The following SMAD6 variants were observed in gnomAD, a reference collection of about 807,000 sequenced individuals.
SMAD6 encodes MAD homolog 6.
SMAD6 carries 103 observed loss-of-function variants against 39.4 expected under a neutral mutation model. That is an observed-to-expected ratio of 2.62 (90% confidence interval 2.23 to 3.08). The LOEUF is 3.08. SMAD6 is among the 30% of genes most tolerant of loss of function. The pLI is 0.00. For missense variants in SMAD6, 1,104 were observed against 742.9 expected (o/e 1.49, Z -5.65); for synonymous variants, 445 against 353.3 (o/e 1.26, Z -2.91).
Position 66,703,767 on chromosome 15 carries a change from AG to A in SMAD6, c.511del (p.Glu171AsnfsTer10). ...CGCTCGCGGCTGCTGCTGCTGGAGC[AG>A]GAACTCAAAACCGTCACGTACTCGC... ...EARSRLLLLEQELKTVTYSLL... is the reference protein window; with the variant it reads ...EARSRLLLLEXELKTVTYSLL... On this transcript the variant is annotated frameshift_variant, in exon 1 of 4. Coordinates refer to ENST00000288840, the MANE Select transcript of SMAD6 (RefSeq NM_005585.5). LOFTEE classifies it high-confidence loss of function. 7.0e-7 allele frequency: 1 copy of A among 1,421,400 alleles called. No homozygotes were observed. The highest frequency in any genetic ancestry group is 9.3e-7 in the Non-Finnish European group (1 of 1,075,902). The allele number at this position is 1,421,400 out of a possible 1,614,324, so 88.0% of individuals were successfully genotyped here. A position where few individuals can be genotyped will look rare whatever the true frequency, so the allele number is the denominator to read the frequency against.
chr15:66,707,798 C>G (rs1893147631), intron 1 of SMAD6: 1 of 152,454 alleles, frequency 6.6e-6, no homozygotes, highest in African/African-American at 2.4e-5. Context: ...TCCACAGCCC[C>G]TCTTTGGGAG....
chr15:66,774,201 C>T (rs912385878), intron 3 of SMAD6, among the ~76,000 whole-genome samples: 5 of 152,234 alleles, frequency 3.3e-5, no homozygotes, highest in South Asian at 2.1e-4. Context: ...AGTTTATGCT[C>T]AGGCTCTTGG....
chr15:66,717,535 A>G (rs768604953), intron 3 of SMAD6: 1 of 439,130 alleles, frequency 2.3e-6, no homozygotes, highest in South Asian at 1.6e-5. Context: ...TATTTCCCCT[A>G]AAGTCCTGTC....
chr15:66,703,578 T>G lies in SMAD6; in HGVS notation c.320T>G (p.Val107Gly). Reference protein sequence around the residue: ...GAGAGSSLLDVAEPGGPGWLP... With the variant: ...GAGAGSSLLDGAEPGGPGWLP... The stretch of plus-strand genomic sequence containing the variant: ...GGCGCTGGGAGCTCCCTGCTGGACG[T>G]GGCGGAGCCGGGAGGCCCGGGCTGG... The change falls in exon 1 of 4, where the codon GTG (valine) becomes GGG (glycine). Residue 107 changes from valine to glycine, a missense_variant. Val to Gly is a moderately radical substitution (Grantham distance 109). Transcript: ENST00000288840. The G allele has an allele frequency of 2.4e-6, 3 of 1,225,992 alleles. No homozygotes were observed. The highest frequency in any genetic ancestry group is 3.1e-6 in the Non-Finnish European group (3 of 981,218). The allele number at this position is 1,225,992 out of a possible 1,614,324, so 75.9% of individuals were successfully genotyped here. A position where few individuals can be genotyped will look rare whatever the true frequency, so the allele number is the denominator to read the frequency against.
chr15:66,749,927 G>A (rs895534738), intron 3 of SMAD6, among the ~76,000 whole-genome samples: 1 of 152,180 alleles, frequency 6.6e-6, no homozygotes, highest in Admixed American at 6.5e-5. Flanking sequence ...TGGCTCTGAA[G>A]AGAGAAAGGG....
intron 3 of SMAD6, among the ~76,000 whole-genome samples, chr15:66,719,324 C>T (rs1489090388): frequency 6.6e-6 from 1 of 152,244 alleles, no homozygotes; most frequent in Non-Finnish European, 1.5e-5. Context: ...GCCTGGTGGG[C>T]ACCTGTCCTG....
At chr15:66,772,701 A>T (rs1459936958) in intron 3 of SMAD6, among the ~76,000 whole-genome samples, 2 of 152,244 alleles carry the variant, frequency 1.3e-5, no homozygotes, top group African/African-American at 4.8e-5. Flanking sequence ...CCTGTGTTAC[A>T]GGTTAGGAAA....
intron 3 of SMAD6, among the ~76,000 whole-genome samples, chr15:66,726,198 G>A (rs372655030): frequency 1.5e-3 from 228 of 152,316 alleles, no homozygotes; most frequent in African/African-American, 5.0e-3. Flanking sequence ...AGGACTCTAG[G>A]CTGCTCCCTG....
intron 3 of SMAD6, among the ~76,000 whole-genome samples, chr15:66,738,936 GCC>G (rs1217306726): frequency 6.6e-6 from 1 of 152,060 alleles, no homozygotes. Flanking sequence ...AGTAGCTAAG[GCC>G]CTCATCTGGC....
chr15:66,769,916 C>T (rs1894352080), intron 3 of SMAD6, among the ~76,000 whole-genome samples: 1 of 152,166 alleles, frequency 6.6e-6, no homozygotes, highest in Non-Finnish European at 1.5e-5. Context: ...CAACCTCTAC[C>T]TCCCGGGTTC....
intron 3 of SMAD6, among the ~76,000 whole-genome samples, chr15:66,734,734 C>T (rs975417255): frequency 2.6e-5 from 4 of 152,224 alleles, no homozygotes; most frequent in African/African-American, 7.2e-5. Flanking sequence ...ATTAGGTAGA[C>T]GGCTTCCATT....
chr15:66,781,278 G>A lies in SMAD6; in HGVS notation c.1234G>A (p.Val412Ile), dbSNP rs1167965126. 6.2e-7 allele frequency: 1 copy of A among 1,607,120 alleles called. No homozygotes were observed. The change falls in exon 4 of 4, where the codon GTC (valine) becomes ATC (isoleucine). Residue 412 changes from valine (V) to isoleucine (I), a missense_variant. By Grantham distance (29) the Val-to-Ile change is conservative. Coordinates refer to ENST00000288840, the MANE Select transcript of SMAD6 (RefSeq NM_005585.5). ...CAACCGCGGCGAGCACCCCATCTTC[G>A]TCAACTCCCCGACGCTGGACGCGCC... ...AYNRGEHPIF[V>I]NSPTLDAPGG...
intron 3 of SMAD6, among the ~76,000 whole-genome samples, chr15:66,736,045 A>G (rs989819139): frequency 2.0e-5 from 3 of 152,084 alleles, no homozygotes; most frequent in African/African-American, 7.2e-5. Flanking sequence ...TACTAGAACA[A>G]AGTTCTGAGG....
At chr15:66,746,385 A>G (rs558804949) in intron 3 of SMAD6, among the ~76,000 whole-genome samples, 1 of 152,140 alleles carries the variant, frequency 6.6e-6, no homozygotes, top group South Asian at 2.1e-4. Flanking sequence ...AAGGTCTGGA[A>G]GTTAAAGGTC....
At chr15:66,718,376 C>T (rs1227163556) in intron 3 of SMAD6, among the ~76,000 whole-genome samples, 2 of 152,104 alleles carry the variant, frequency 1.3e-5, no homozygotes, top group Non-Finnish European at 2.9e-5. Context: ...CTGAGATTTC[C>T]GACCGGATAT....
chr15:66,772,033 C>T (rs965162656), intron 3 of SMAD6, among the ~76,000 whole-genome samples: 1 of 152,194 alleles, frequency 6.6e-6, no homozygotes, highest in African/African-American at 2.4e-5. Flanking sequence ...GTCGTTAGCA[C>T]TGTCACCTTC....
chr15:66,763,511 G>A (rs1894238918), intron 3 of SMAD6, among the ~76,000 whole-genome samples: 1 of 152,164 alleles, frequency 6.6e-6, no homozygotes, highest in Admixed American at 6.5e-5. Context: ...TTGGCCCCCT[G>A]CCCACCTCTC....
chr15:66,763,758 C>G (rs921830160), intron 3 of SMAD6, among the ~76,000 whole-genome samples: 1 of 152,240 alleles, frequency 6.6e-6, no homozygotes, highest in Non-Finnish European at 1.5e-5. Context: ...CTTGGTTTAC[C>G]TACTGCAGTT....
rs547033777 is a variant in SMAD6 at position 66,703,522 on chromosome 15, C to G, written c.264C>G (p.Gly88=). The part of the protein sequence containing the change: ...QGAGRRRRAG[G]PPRPMSEPGA... ...CGGGGAGGCGCCGGCGCGCAGGGGG[C>G]CCCCCGAGGCCCATGTCGGAGCCAG... The change falls in exon 1 of 4, where the codon GGC becomes GGG. Residue 88 remains glycine (G), a synonymous_variant. Transcript: ENST00000288840. 5.4e-4 allele frequency: 656 copies of G among 1,219,804 alleles called. 2 individuals carry two copies. The South Asian group carries it at 7.3e-3, about 14-fold the overall frequency. 75.6% of individuals were successfully genotyped at this position (1,219,804 alleles called of 1,614,324 possible).
Sources: gnomAD v4.1 joint callset for allele counts (sites outside exome capture counted in the v4.1 genomes callset) on GRCh38, gnomAD v4.1.1 for gene constraint, MANE v1.5 for transcripts, NCBI Gene and HGNC (gene_info 2026-07-23, HGNC 2026-07-21) for gene names.